The following CDH4 variants were observed in gnomAD, a reference collection of about 807,000 sequenced individuals.
The protein encoded by CDH4 is cadherin-4.
CDH4 carries 33 observed loss-of-function variants against 86.0 expected under a neutral mutation model. That is an observed-to-expected ratio of 0.38 (90% CI 0.29 to 0.51). CDH4 has a LOEUF of 0.51. Ranked by LOEUF, CDH4 falls within the 20% of genes least tolerant of loss-of-function variation. The pLI, the probability that CDH4 is intolerant of heterozygous loss-of-function variation, is 0.86. For missense variants in CDH4, 1,114 were observed against 1,307.4 expected (o/e 0.85, Z 2.28); for synonymous variants, 555 against 549.4 (o/e 1.01, Z -0.14).
At chr20:61,281,666 G>A (rs566310829) in intron 2 of CDH4, among the ~76,000 whole-genome samples, 39 of 152,234 alleles carry the variant, frequency 2.6e-4, no homozygotes, top group Non-Finnish European at 4.7e-4. Context: ...GCTGCCTCCA[G>A]GATGGCAGGA....
At chr20:61,488,589 T>C (rs6121641) in intron 2 of CDH4, among the ~76,000 whole-genome samples, 8,654 of 152,002 alleles carry the variant, frequency 0.057, 635 homozygotes, top group African/African-American at 0.18. Context: ...CTATAAAAAA[T>C]GTCGTGGGGC....
At chr20:61,891,391 C>A (rs1984811515) in intron 7 of CDH4, among the ~76,000 whole-genome samples, 1 of 152,188 alleles carries the variant, frequency 6.6e-6, no homozygotes, top group South Asian at 2.1e-4. Flanking sequence ...CTCACAGCCT[C>A]CCCCTGGAAC....
In CDH4 at chr20:61,389,492, T is replaced by G. The variant is rs144985528; in HGVS notation, c.169+134555T>G. 6.1e-3 allele frequency among the ~76,000 whole-genome samples: 930 copies of G among 152,328 alleles called. 7 individuals are homozygous for G. Among genetic ancestry groups the G allele is most frequent in the Non-Finnish European group, 9.8e-3 (670 of 68,024 alleles). ...GCACACAGTAGGTGCTTTAGATATT[T>G]GTTGATTGGATTTGACAAATCCAAT... is the stretch of plus-strand genomic sequence containing the variant. On this transcript the variant is annotated intron_variant, in intron 2 of 15. Coordinates refer to ENST00000614565, the MANE Select transcript of CDH4 (RefSeq NM_001794.5).
At chr20:61,912,957 A>G (rs1005840708) in intron 9 of CDH4, among the ~76,000 whole-genome samples, 4 of 152,160 alleles carry the variant, frequency 2.6e-5, no homozygotes, top group Non-Finnish European at 4.4e-5. Flanking sequence ...AAGGTGATGG[A>G]GACTGGATGT....
chr20:61,543,179 A>G (rs6121680), intron 2 of CDH4, among the ~76,000 whole-genome samples: 30,905 of 152,134 alleles, frequency 0.2, 5,235 homozygotes, highest in African/African-American at 0.45. Context: ...CTTCCAGTCC[A>G]CTGACTCAAA....
chr20:61,766,534 A>G (rs1490983484), intron 3 of CDH4, among the ~76,000 whole-genome samples: 1 of 152,042 alleles, frequency 6.6e-6, no homozygotes, highest in African/African-American at 2.4e-5. Context: ...CCTAGACAGT[A>G]CCACATTCAC....
chr20:61,722,787 A>G (rs931152633), intron 2 of CDH4, among the ~76,000 whole-genome samples: 2 of 152,174 alleles, frequency 1.3e-5, no homozygotes, highest in African/African-American at 2.4e-5. Context: ...CTTTCATCCA[A>G]GGAAAGCAGA....
chr20:61,554,339 C>A (rs960537299), intron 2 of CDH4, among the ~76,000 whole-genome samples: 6 of 152,154 alleles, frequency 3.9e-5, no homozygotes, highest in Admixed American at 1.3e-4. Flanking sequence ...AGGCAGGGGG[C>A]AGTAGAGGAG....
chr20:61,739,045 GAA>G (rs1483949977), intron 2 of CDH4: 3 of 152,322 alleles, frequency 2.0e-5, no homozygotes, highest in Non-Finnish European at 4.4e-5. Context: ...TACATCGAGG[GAA>G]AAGTTTTCTG....
intron 2 of CDH4, among the ~76,000 whole-genome samples, chr20:61,523,963 C>T (rs1160987404): frequency 6.6e-6 from 1 of 152,184 alleles, no homozygotes; most frequent in Non-Finnish European, 1.5e-5. Flanking sequence ...TATAAAGAAG[C>T]AAGATATCTG....
chr20:61,673,656 G>A (rs1022306102), intron 2 of CDH4, among the ~76,000 whole-genome samples: 2 of 152,240 alleles, frequency 1.3e-5, no homozygotes, highest in East Asian at 1.9e-4. Flanking sequence ...CAGCCTGGCA[G>A]GCTGGGGAGG....
intron 3 of CDH4, among the ~76,000 whole-genome samples, chr20:61,744,016 C>G (rs920653303): frequency 2.6e-5 from 4 of 152,238 alleles, no homozygotes; most frequent in African/African-American, 4.8e-5. Flanking sequence ...GCCCCACACT[C>G]AGGTTCAGAC....
chr20:61,386,629 A>G (rs775303491), intron 2 of CDH4, among the ~76,000 whole-genome samples: 4 of 152,206 alleles, frequency 2.6e-5, no homozygotes, highest in Admixed American at 6.5e-5. Flanking sequence ...AGAGAACTGC[A>G]CATGGATTCT....
chr20:61,356,537 A>C (rs972062426), intron 2 of CDH4, among the ~76,000 whole-genome samples: 30 of 152,252 alleles, frequency 2.0e-4, no homozygotes, highest in African/African-American at 7.0e-4. Context: ...AGAGGCAACA[A>C]AGAGTAAAAG....
chr20:61,890,380 ATGG>A (rs1359449331), intron 7 of CDH4, among the ~76,000 whole-genome samples: 11 of 144,714 alleles, frequency 7.6e-5, no homozygotes, highest in Admixed American at 6.2e-4. Context: ...GGGTAAGCAG[ATGG>A]TGGATGGTAG....
At chr20:61,783,282 C>T (rs956585860) in intron 4 of CDH4, among the ~76,000 whole-genome samples, 1 of 152,172 alleles carries the variant, frequency 6.6e-6, no homozygotes, top group Non-Finnish European at 1.5e-5. Context: ...TTTCTAGGGT[C>T]GATGGTTTAA....
At chr20:61,530,753 G>GC (rs2085945646) in intron 2 of CDH4, among the ~76,000 whole-genome samples, 1 of 152,106 alleles carries the variant, frequency 6.6e-6, no homozygotes, top group Non-Finnish European at 1.5e-5. Flanking sequence ...GGGCTGGGGA[G>GC]CAGGTGAGCG....
chr20:61,307,473 G>T (rs1378356393), intron 2 of CDH4, among the ~76,000 whole-genome samples: 2 of 152,350 alleles, frequency 1.3e-5, no homozygotes, highest in African/African-American at 2.4e-5. Flanking sequence ...CACGTTGCGC[G>T]TATCATTCGC....
intron 2 of CDH4, among the ~76,000 whole-genome samples, chr20:61,604,145 G>T (rs1181170970): frequency 6.6e-6 from 1 of 152,178 alleles, no homozygotes; most frequent in Non-Finnish European, 1.5e-5. Context: ...TGATGCCATT[G>T]TTTCCTTCCC....
Sources: allele counts gnomAD v4.1 joint callset (sites outside exome capture counted in the v4.1 genomes callset), GRCh38; gene constraint gnomAD v4.1.1; transcripts MANE v1.5; gene names NCBI Gene and HGNC (gene_info 2026-07-23, HGNC 2026-07-21).